ANO4: variants seen among roughly 807,000 people sequenced by gnomAD.
The protein encoded by ANO4 is anoctamin-4.
In ANO4, 69 loss-of-function variants were observed where a neutral mutation model predicts 141.9. The ratio of observed to expected loss-of-function variants is 0.49; its 90% CI spans 0.40 to 0.59. The LOEUF (loss-of-function observed/expected upper bound fraction) is 0.59. Ranked by LOEUF, ANO4 falls within the 20% of genes least tolerant of loss-of-function variation. The pLI, the probability that ANO4 is intolerant of heterozygous loss-of-function variation, is 0.00. For synonymous variants in ANO4, 350 were observed against 394.3 expected (o/e 0.89, Z 1.33); for missense variants, 894 against 1,162.2 (o/e 0.77, Z 3.36).
intron 1 of ANO4, among the ~76,000 whole-genome samples, chr12:100,871,519 A>G (rs1016800613): frequency 6.6e-6 from 1 of 152,220 alleles, no homozygotes; most frequent in Admixed American, 6.5e-5. Context: ...GGTGGTTTGT[A>G]ACCTTTTACA....
intron 7 of ANO4, among the ~76,000 whole-genome samples, chr12:100,975,143 A>G (rs1054339569): frequency 3.3e-5 from 5 of 150,506 alleles, no homozygotes; most frequent in Admixed American, 6.6e-5. Context: ...TGCTGGGGCT[A>G]TTGCTTTTTA....
At chr12:101,045,907 C>T (rs1428756739) in intron 13 of ANO4, among the ~76,000 whole-genome samples, 1 of 152,226 alleles carries the variant, frequency 6.6e-6, no homozygotes, top group African/African-American at 2.4e-5. Context: ...TTTTAAACTC[C>T]TGGTCTGCTG....
intron 2 of ANO4, among the ~76,000 whole-genome samples, chr12:100,737,370 G>C (rs2031662530): frequency 6.6e-6 from 1 of 152,194 alleles, no homozygotes; most frequent in African/African-American, 2.4e-5. Context: ...CATTGCTCTA[G>C]GAGCTGAGAA....
intron 2 of ANO4, among the ~76,000 whole-genome samples, chr12:100,736,122 G>A (rs746289508): frequency 2.0e-5 from 3 of 152,270 alleles, no homozygotes; most frequent in South Asian, 2.1e-4. Flanking sequence ...TGGTGACATC[G>A]TGAGAGCCAC....
At chr12:100,744,350 G>A (rs1014481749) in intron 3 of ANO4, among the ~76,000 whole-genome samples, 9 of 152,106 alleles carry the variant, frequency 5.9e-5, no homozygotes, top group Non-Finnish European at 1.3e-4. Flanking sequence ...AAAGAGGCTA[G>A]GAAGTCCAAG....
At chr12:100,989,539 CTGGG>C (rs1179165760) in intron 8 of ANO4, among the ~76,000 whole-genome samples, 6 of 143,176 alleles carry the variant, frequency 4.2e-5, no homozygotes, top group Non-Finnish European at 7.7e-5. Context: ...TGATAGGTTG[CTGGG>C]TGGGTGGGTG....
At chr12:101,086,297 C>G (rs1403824653) in intron 16 of ANO4, among the ~76,000 whole-genome samples, 3 of 152,004 alleles carry the variant, frequency 2.0e-5, no homozygotes, top group Non-Finnish European at 4.4e-5. Context: ...AAGGGTTTTG[C>G]TTTTATCCTA....
chr12:101,034,643 A>T (rs1454330926), intron 9 of ANO4, among the ~76,000 whole-genome samples: 1 of 152,200 alleles, frequency 6.6e-6, no homozygotes, highest in Non-Finnish European at 1.5e-5. Context: ...GCCACACATT[A>T]GGAGAAAAAA....
chr12:100,846,899 C>G (rs1330414910), intron 1 of ANO4, among the ~76,000 whole-genome samples: 3 of 152,050 alleles, frequency 2.0e-5, no homozygotes, highest in Admixed American at 2.0e-4. Flanking sequence ...ACCCTGCCTC[C>G]CAATCTATAC....
At chr12:100,746,087 T>C (rs1262682401) in intron 3 of ANO4, among the ~76,000 whole-genome samples, 2 of 152,132 alleles carry the variant, frequency 1.3e-5, no homozygotes, top group Admixed American at 1.3e-4. Context: ...TAAGAAATTA[T>C]TTGGAAAAAG....
chr12:100,750,608 T>G (rs2032330898), intron 3 of ANO4, among the ~76,000 whole-genome samples: 1 of 152,138 alleles, frequency 6.6e-6, no homozygotes, highest in African/African-American at 2.4e-5. Context: ...TTCTTAAAGA[T>G]TCTTGGCAAT....
At chr12:100,965,072 G>A (rs1245100051) in intron 5 of ANO4, among the ~76,000 whole-genome samples, 1 of 152,092 alleles carries the variant, frequency 6.6e-6, no homozygotes, top group Non-Finnish European at 1.5e-5. Context: ...GTGAGTGAAT[G>A]CTAAGTTACA....
intron 1 of ANO4, among the ~76,000 whole-genome samples, chr12:100,815,790 C>T (rs1182290146): frequency 1.3e-5 from 2 of 151,630 alleles, no homozygotes; most frequent in Middle Eastern, 3.4e-3. Context: ...TGAATTTATG[C>T]ATATGTATTT....
chr12:100,932,779 A>G (rs951292950), intron 3 of ANO4, among the ~76,000 whole-genome samples: 7 of 152,232 alleles, frequency 4.6e-5, no homozygotes, highest in Non-Finnish European at 1.0e-4. Flanking sequence ...CAGCTGTCAT[A>G]AATCTCTGAG....
intron 14 of ANO4, among the ~76,000 whole-genome samples, chr12:101,060,795 A>C (rs2048314939): frequency 6.6e-6 from 1 of 152,098 alleles, no homozygotes; most frequent in Non-Finnish European, 1.5e-5. Context: ...GGATCTCCTG[A>C]ATACAGCACA....
intron 22 of ANO4, among the ~76,000 whole-genome samples, chr12:101,103,223 ATATAT>A (rs1192556253): frequency 3.8e-4 from 43 of 112,636 alleles, no homozygotes; most frequent in African/African-American, 1.5e-3. Context: ...ATATATATAT[ATATAT>A]ATCTTTTTGT....
intron 1 of ANO4, among the ~76,000 whole-genome samples, chr12:100,733,426 ATACTCTT>A (rs2031469190): frequency 6.6e-6 from 1 of 152,062 alleles, no homozygotes; most frequent in Non-Finnish European, 1.5e-5. Flanking sequence ...ACCTTACCTG[ATACTCTT>A]TAGTCTATAG....
At chr12:100,954,940 T>A (rs1046358929) in intron 5 of ANO4, among the ~76,000 whole-genome samples, 1 of 152,140 alleles carries the variant, frequency 6.6e-6, no homozygotes, top group African/African-American at 2.4e-5. Context: ...GTCCTTGTGT[T>A]TGTGATGCAG....
chr12:100,754,216 A>T (rs1164860339), intron 3 of ANO4, among the ~76,000 whole-genome samples: 1 of 152,168 alleles, frequency 6.6e-6, no homozygotes, highest in Non-Finnish European at 1.5e-5. Flanking sequence ...GCACCTATGA[A>T]CACAGTGTTC....
Sources: allele counts gnomAD v4.1 joint callset (sites outside exome capture counted in the v4.1 genomes callset), GRCh38; gene constraint gnomAD v4.1.1; transcripts MANE v1.5; gene names NCBI Gene and HGNC (gene_info 2026-07-23, HGNC 2026-07-21).